Variants in METTL21A observed in about 807,000 individuals in gnomAD.
The protein encoded by METTL21A is methyltransferase 21A, HSPA lysine.
METTL21A carries 22 observed loss-of-function variants against 20.9 expected under a neutral mutation model. The observed-to-expected ratio is 1.05, with a 90% CI of 0.75 to 1.50. The LOEUF (loss-of-function observed/expected upper bound fraction) is 1.50. Among genes scored for constraint, METTL21A ranks in the 40% most tolerant of loss-of-function variants. The pLI is 0.00. For synonymous variants in METTL21A, 93 were observed against 102.0 expected, an observed-to-expected ratio of 0.91 and a Z score of 0.53; for missense variants, 271 against 266.8, an observed-to-expected ratio of 1.02 and a Z score of -0.11.
intron 3 of METTL21A, among the ~76,000 whole-genome samples, chr2:207,587,000 A>C (rs191988122): frequency 3.8e-3 from 572 of 152,378 alleles, no homozygotes; most frequent in Non-Finnish European, 6.5e-3. Context: ...ATGCAGAGAA[A>C]GGTGAACTCT....
chr2:207,625,599 G>T (rs2091023452), upstream of METTL21A: 2 of 152,374 alleles, frequency 1.3e-5, no homozygotes, highest in Non-Finnish European at 2.9e-5. Context: ...GTGAGATCGG[G>T]GTGCCGAACT....
intron 3 of METTL21A, among the ~76,000 whole-genome samples, chr2:207,616,619 T>G (rs532238273): frequency 5.3e-5 from 8 of 152,088 alleles, no homozygotes; most frequent in Non-Finnish European, 1.0e-4. Flanking sequence ...CCAAGGCGGG[T>G]GGATCACCTG....
In METTL21A at chr2:207,590,946, T is replaced by A. The variant is rs546394266; in HGVS notation, c.260-8786A>T. Among the ~76,000 whole-genome samples, 20 of 152,338 alleles carry A rather than the reference T, an allele frequency of 1.3e-4. No homozygotes were observed. In the East Asian group the frequency reaches 2.5e-3, roughly 19 times the overall value. On this transcript the variant is annotated intron_variant, in intron 3 of 3. Transcript: ENST00000425132. ...TTTTTATTTGCATTCAGTTTAAAAA[T>A]TTTTTTATTTCCTTTGAGACTTCTT...
At chr2:207,606,697 C>T (rs2088168464), downstream of METTL21A, among the ~76,000 whole-genome samples, 1 of 152,094 alleles carries the variant, frequency 6.6e-6, no homozygotes, top group African/African-American at 2.4e-5. Context: ...TCGTCTAACA[C>T]TAACACAAAT....
intron 3 of METTL21A, among the ~76,000 whole-genome samples, chr2:207,590,377 G>T (rs972810746): frequency 1.3e-5 from 2 of 151,328 alleles, no homozygotes; most frequent in Admixed American, 6.6e-5. Context: ...CTGGCTAAAG[G>T]TTTATCAATT....
At position 207,593,938 on chromosome 2, in the gene METTL21A, C is replaced by G. The variant is rs184658544; in HGVS notation, c.260-11778G>C. On this transcript the variant is annotated intron_variant, in intron 3 of 3. Transcript: ENST00000425132. ...TTCGCCATGTTGGCCAGGCTGGTCT[C>G]AAACTCCTGGCCTCAAGTGATCTGC... Among the ~76,000 whole-genome samples the G allele has an allele frequency of 1.5e-4, 23 of 152,188 alleles. No individual in the cohort carries two copies. The East Asian group carries it at 4.5e-3, about 30-fold the overall frequency.
At chr2:207,590,083 G>GTTT (rs59126515) in intron 3 of METTL21A, among the ~76,000 whole-genome samples, 1,055 of 76,048 alleles carry the variant, frequency 0.014, 32 homozygotes, top group African/African-American at 0.033. Context: ...ATTTTGAGAA[G>GTTT]TTTTTTTTTT....
At chr2:207,587,401 AAAAAAG>A (rs1477649099) in intron 3 of METTL21A, among the ~76,000 whole-genome samples, 1 of 151,908 alleles carries the variant, frequency 6.6e-6, no homozygotes, top group Non-Finnish European at 1.5e-5. Flanking sequence ...TCAAAAAAAA[AAAAAAG>A]GAAAAAGAAA....
chr2:207,587,356 G>A (rs1007636737), intron 3 of METTL21A, among the ~76,000 whole-genome samples: 1 of 148,392 alleles, frequency 6.7e-6, no homozygotes, highest in African/African-American at 2.5e-5. Flanking sequence ...TCGCACCACC[G>A]CACTACAGCC....
intron 3 of METTL21A, chr2:207,602,939 C>A (rs912400413): frequency 8.3e-5 from 18 of 215,614 alleles, no homozygotes. Flanking sequence ...TCACTTGAAA[C>A]TTTTTAGAAG....
chr2:207,615,013 G>A (rs891934431), intron 3 of METTL21A, among the ~76,000 whole-genome samples: 14 of 152,130 alleles, frequency 9.2e-5, no homozygotes, highest in Non-Finnish European at 1.5e-5. Context: ...ATAAGTTAGG[G>A]CAGTAATTCA....
intron 3 of METTL21A, chr2:207,603,443 T>C (rs1325894521): frequency 4.5e-6 from 1 of 224,538 alleles, no homozygotes; most frequent in Non-Finnish European, 8.9e-6. Flanking sequence ...GTAAGTCTCT[T>C]TTTTGGGGAT....
intron 3 of METTL21A, chr2:207,597,970 C>T (rs1478495628): frequency 5.4e-6 from 1 of 183,624 alleles, no homozygotes; most frequent in Non-Finnish European, 1.2e-5. Context: ...TTTATATTGT[C>T]ACTCATTTAC....
At chr2:207,583,783 C>T (rs1227780966) in intron 3 of METTL21A, among the ~76,000 whole-genome samples, 1 of 152,172 alleles carries the variant, frequency 6.6e-6, no homozygotes, top group Non-Finnish European at 1.5e-5. Flanking sequence ...AACAATTATA[C>T]TAGTTAACTA....
downstream of METTL21A, chr2:207,581,687 A>C (rs1027019313): frequency 1.3e-5 from 7 of 524,714 alleles, no homozygotes; most frequent in African/African-American, 1.4e-4. Flanking sequence ...GCTTTCTCTA[A>C]TCTTAGTATA....
chr2:207,607,154 C>T (rs1386977402), downstream of METTL21A, among the ~76,000 whole-genome samples: 1 of 151,996 alleles, frequency 6.6e-6, no homozygotes, highest in Admixed American at 6.6e-5. Flanking sequence ...TTTGGGAGGG[C>T]GAGGCAGGTC....
chr2:207,620,771 C>T (rs2090390120), intron 3 of METTL21A: 2 of 1,377,192 alleles, frequency 1.5e-6, no homozygotes, highest in South Asian at 1.4e-5. Flanking sequence ...TGCTCCCTGT[C>T]GAATTTTGGA....
At chr2:207,598,033 C>T (rs2086454763) in intron 3 of METTL21A, 2 of 181,556 alleles carry the variant, frequency 1.1e-5, no homozygotes, top group East Asian at 9.0e-5. Context: ...ATACCACCAC[C>T]AAGAAAGCCT....
At chr2:207,595,747 T>C (rs1271267190) in intron 3 of METTL21A, among the ~76,000 whole-genome samples, 2 of 152,110 alleles carry the variant, frequency 1.3e-5, no homozygotes, top group African/African-American at 2.4e-5. Context: ...TAAAAATTTT[T>C]TTTTAGAGAC....
Sources: allele counts gnomAD v4.1 joint callset (sites outside exome capture counted in the v4.1 genomes callset), GRCh38; gene constraint gnomAD v4.1.1; transcripts MANE v1.5; gene names NCBI Gene and HGNC (gene_info 2026-07-23, HGNC 2026-07-21).